TOX: variants seen among roughly 807,000 people sequenced by gnomAD.
TOX encodes the protein thymocyte selection associated high mobility group box, also known as thymocyte selection-associated high mobility group box protein TOX.
TOX carries 11 observed loss-of-function variants against 53.7 expected under a neutral mutation model. The ratio of observed to expected loss-of-function variants is 0.20; its 90% CI spans 0.13 to 0.34. TOX has a LOEUF of 0.34. Ranked by LOEUF, TOX falls within the 10% of genes least tolerant of loss-of-function variation. TOX has a pLI of 1.00. For missense variants in TOX, 570 were observed against 664.6 expected, an observed-to-expected ratio of 0.86 and a Z score of 1.56; for synonymous variants, 225 against 245.3, an observed-to-expected ratio of 0.92 and a Z score of 0.77.
intron 1 of TOX, among the ~76,000 whole-genome samples, chr8:58,996,599 T>C (rs1351909312): frequency 2.6e-5 from 4 of 152,240 alleles, no homozygotes; most frequent in Non-Finnish European, 2.9e-5. Flanking sequence ...CAATACCTTT[T>C]CCTGTACCTT....
Position 59,093,882 on chromosome 8 carries a change from T to C in TOX, c.102+25004A>G, listed in dbSNP as rs78720923. On this transcript the variant is annotated intron_variant, in intron 1 of 8. Coordinates refer to ENST00000361421, the MANE Select transcript of TOX (RefSeq NM_014729.3). ...TTGGTAAATGACAATAACAATTTCCTGCAGAAAATGTCACATCATTTGCAT... is the reference window on the plus strand; with the variant it reads ...TTGGTAAATGACAATAACAATTTCCCGCAGAAAATGTCACATCATTTGCAT... Among the ~76,000 whole-genome samples the C allele has an allele frequency of 0.011, 1,670 of 152,300 alleles. 116 individuals carry two copies. In the East Asian group the frequency reaches 0.16, roughly 15 times the overall value.
chr8:58,907,903 C>T (rs570633005), intron 3 of TOX, among the ~76,000 whole-genome samples: 2 of 152,220 alleles, frequency 1.3e-5, no homozygotes, highest in Admixed American at 1.3e-4. Flanking sequence ...TAGATATCTT[C>T]AAATATATAG....
At chr8:59,098,840 A>G (rs983077572) in intron 1 of TOX, among the ~76,000 whole-genome samples, 5 of 152,192 alleles carry the variant, frequency 3.3e-5, no homozygotes, top group Non-Finnish European at 7.3e-5. Flanking sequence ...CTATGAGTAC[A>G]GGGAAACATT....
At chr8:58,883,256 C>T (rs1811412156) in intron 3 of TOX, among the ~76,000 whole-genome samples, 1 of 152,174 alleles carries the variant, frequency 6.6e-6, no homozygotes, top group Non-Finnish European at 1.5e-5. Context: ...GGCTGTGAGC[C>T]TCAGACAGGA....
intron 6 of TOX, among the ~76,000 whole-genome samples, chr8:58,816,272 A>C (rs1435446074): frequency 6.6e-6 from 1 of 152,250 alleles, no homozygotes; most frequent in African/African-American, 2.4e-5. Flanking sequence ...ATAAAACTAC[A>C]TTAATATACT....
At chr8:58,905,611 G>C (rs1451793093) in intron 3 of TOX, among the ~76,000 whole-genome samples, 1 of 152,158 alleles carries the variant, frequency 6.6e-6, no homozygotes, top group Non-Finnish European at 1.5e-5. Flanking sequence ...TCCTCCCATA[G>C]GCTTTGCTGA....
At chr8:58,874,631 T>C (rs945977600) in intron 3 of TOX, among the ~76,000 whole-genome samples, 2 of 152,166 alleles carry the variant, frequency 1.3e-5, no homozygotes, top group East Asian at 1.9e-4. Context: ...TCCACCTTAA[T>C]TTAAAACACA....
rs531146799 is a variant in TOX at position 59,026,709 on chromosome 8, A to G, written c.103-66701T>C. Among the ~76,000 whole-genome samples the G allele has an allele frequency of 4.5e-4, 68 of 152,282 alleles. 1 individual carries two copies. The highest frequency in any genetic ancestry group is 1.4e-3 in the African/African-American group (58 of 41,566). ...ATGTACTGCACAGAGTGATTCTATC[A>G]TTTAACTTCTTAAAGTTTCAAGTCA... On this transcript the variant is annotated intron_variant, in intron 1 of 8. Coordinates refer to ENST00000361421, the MANE Select transcript of TOX (RefSeq NM_014729.3).
chr8:58,956,406 T>C (rs987700077), intron 2 of TOX, among the ~76,000 whole-genome samples: 15 of 152,158 alleles, frequency 9.9e-5, no homozygotes, highest in African/African-American at 3.6e-4. Flanking sequence ...GCTGGCATAT[T>C]CGTCCAGATA....
At chr8:59,001,442 G>A (rs1813687436) in intron 1 of TOX, among the ~76,000 whole-genome samples, 1 of 152,160 alleles carries the variant, frequency 6.6e-6, no homozygotes, top group Non-Finnish European at 1.5e-5. Flanking sequence ...TCTCATGATG[G>A]GAAAAGTGAT....
chr8:58,817,982 T>C (rs1810209368), intron 6 of TOX, among the ~76,000 whole-genome samples: 1 of 152,216 alleles, frequency 6.6e-6, no homozygotes, highest in East Asian at 1.9e-4. Context: ...TGAATTCTAC[T>C]ATTTAAATAA....
chr8:59,027,582 T>C (rs925155091), intron 1 of TOX, among the ~76,000 whole-genome samples: 2 of 152,184 alleles, frequency 1.3e-5, no homozygotes, highest in African/African-American at 2.4e-5. Context: ...TCTTGATTTG[T>C]TGTACAGATT....
At chr8:58,873,650 C>T (rs1811232687) in intron 3 of TOX, among the ~76,000 whole-genome samples, 2 of 152,110 alleles carry the variant, frequency 1.3e-5, no homozygotes, top group South Asian at 2.1e-4. Flanking sequence ...AATCAAAGTG[C>T]AGCTAAGAAT....
chr8:58,946,598 A>C (rs1812526479), intron 2 of TOX, among the ~76,000 whole-genome samples: 1 of 152,234 alleles, frequency 6.6e-6, no homozygotes, highest in Non-Finnish European at 1.5e-5. Context: ...TGCTTTAGAC[A>C]ATAGCAATAA....
intron 3 of TOX, among the ~76,000 whole-genome samples, chr8:58,852,681 G>A (rs1366350279): frequency 6.6e-6 from 1 of 152,164 alleles, no homozygotes; most frequent in African/African-American, 2.4e-5. Flanking sequence ...AAATAATGGA[G>A]AATATTTCAT....
intron 6 of TOX, among the ~76,000 whole-genome samples, chr8:58,816,076 C>T (rs1045586532): frequency 6.6e-5 from 10 of 152,150 alleles, no homozygotes; most frequent in African/African-American, 2.2e-4. Flanking sequence ...GGGAAACACA[C>T]GTGAAGATTA....
intron 3 of TOX, among the ~76,000 whole-genome samples, chr8:58,897,215 C>A (rs146858179): frequency 6.6e-5 from 10 of 152,138 alleles, no homozygotes; most frequent in Non-Finnish European, 8.8e-5. Flanking sequence ...TGATGATCAT[C>A]ATTTTCTCCA....
chr8:58,880,352 C>A (rs1399523550), intron 3 of TOX, among the ~76,000 whole-genome samples: 1 of 152,202 alleles, frequency 6.6e-6, no homozygotes, highest in Non-Finnish European at 1.5e-5. Context: ...TAAAACCCAT[C>A]CCTTCAGAGC....
At chr8:58,817,703 T>A (rs1282291721) in intron 6 of TOX, among the ~76,000 whole-genome samples, 1 of 152,214 alleles carries the variant, frequency 6.6e-6, no homozygotes, top group African/African-American at 2.4e-5. Flanking sequence ...TCACAGACTG[T>A]GTTGACTTCA....
Sources: allele counts gnomAD v4.1 joint callset (sites outside exome capture counted in the v4.1 genomes callset), GRCh38; gene constraint gnomAD v4.1.1; transcripts MANE v1.5; gene names NCBI Gene and HGNC (gene_info 2026-07-23, HGNC 2026-07-21).